Variants in KNTC1 observed in about 807,000 individuals in gnomAD.
The protein encoded by KNTC1 is kinetochore-associated protein 1.
Under a neutral mutation model 314.4 loss-of-function variants are expected in KNTC1, and 253 were observed. That is an observed-to-expected ratio of 0.80 (90% CI 0.73 to 0.89). The LOEUF (loss-of-function observed/expected upper bound fraction) is 0.89, where lower values mean the gene tolerates loss of function less well. Among genes scored for constraint, KNTC1 ranks in the 40% least tolerant of loss-of-function variants. The probability of loss-of-function intolerance (pLI) is 0.00; values close to 1 mark genes in which losing one functional copy is unlikely to be tolerated. For synonymous variants in KNTC1, 901 were observed against 901.4 expected, an observed-to-expected ratio of 1.00 and a Z score of 0.01; for missense variants, 2,475 against 2,572.9, an observed-to-expected ratio of 0.96 and a Z score of 0.82.
intron 28 of KNTC1, 61 bp downstream of exon 28, chr12:122,575,707 T>C: frequency 1.4e-6 from 2 of 1,478,426 alleles, no homozygotes; most frequent in Non-Finnish European, 9.3e-7. Flanking sequence ...TGTTTTGAGT[T>C]GACGTTCATT....
chr12:122,540,027 A>T (rs1350089067), intron 5 of KNTC1, among the ~76,000 whole-genome samples: 1 of 151,578 alleles, frequency 6.6e-6, no homozygotes, highest in Non-Finnish European at 1.5e-5. Flanking sequence ...TGAGTGATCC[A>T]CCTGCCTCGG....
chr12:122,604,327 A>C (rs575149245), intron 48 of KNTC1, among the ~76,000 whole-genome samples: 49 of 151,910 alleles, frequency 3.2e-4, no homozygotes, highest in Non-Finnish European at 1.3e-4. Context: ...TTGTATTTTC[A>C]GTAGAGACAG....
chr12:122,622,051 T>C, intron 61 of KNTC1, 81 bp downstream of exon 61: 1 of 930,792 alleles, frequency 1.1e-6, no homozygotes, highest in Non-Finnish European at 1.7e-6. Flanking sequence ...AAGAGTAAGC[T>C]GAAAACTGCT....
In KNTC1 at chr12:122,604,624, A is replaced by C. The variant is rs778179972; in HGVS notation, c.5162A>C (p.Asn1721Thr). Reference sequence around the variant, plus strand: ...TATTTAGCTGAGAGATGGCTACAGAATATCCCATCGCAGGTGTGTCTGAAC... The same window carrying C: ...TATTTAGCTGAGAGATGGCTACAGACTATCCCATCGCAGGTGTGTCTGAAC... ...CLYLAERWLQ[N>T]IPSQDEKREK... Residue 1721 changes from asparagine to threonine, a missense_variant, in exon 49 of 64, where the codon AAT becomes ACT. Coordinates refer to ENST00000333479, the MANE Select transcript of KNTC1 (RefSeq NM_014708.6). The C allele has an allele frequency of 1.9e-5, 30 of 1,598,176 alleles. No homozygotes were observed. In the Admixed American group the frequency reaches 3.5e-4, roughly 19 times the overall value.
Position 122,571,080 on chromosome 12 carries a change from A to T in KNTC1, c.1973A>T (p.Lys658Ile). 6.2e-7 allele frequency: 1 copy of T among 1,613,822 alleles called. No homozygotes were observed. The highest frequency in any genetic ancestry group is 8.5e-7 in the Non-Finnish European group (1 of 1,179,794). ...QLAEIFFTAE[K>I]TDELGLASSW... ...GCAGAGATATTTTTTACAGCAGAAAAAACAGACGAGTTGGGATTGGCATCT... is the reference window on the plus strand; with the variant it reads ...GCAGAGATATTTTTTACAGCAGAAATAACAGACGAGTTGGGATTGGCATCT... Residue 658 changes from lysine to isoleucine, a missense_variant, in exon 24 of 64, where the codon AAA (lysine) becomes ATA (isoleucine). Physicochemically the swap from Lys to Ile is moderately radical, Grantham distance 102 (BLOSUM62 -3). Transcript: ENST00000333479.
intron 21 of KNTC1, among the ~76,000 whole-genome samples, chr12:122,569,301 G>C (rs1029308445): frequency 7.9e-5 from 12 of 152,144 alleles, no homozygotes; most frequent in Admixed American, 7.9e-4. Context: ...CCTTAAAATT[G>C]CTTGTCTCGA....
In KNTC1 at chr12:122,587,767, C is replaced by G. The variant is rs748027315; in HGVS notation, c.3787C>G (p.Gln1263Glu). Residue 1263 changes from glutamine (Q) to glutamate (E), a missense_variant, in exon 39 of 64, where the codon CAG (glutamine) becomes GAG (glutamate). Physicochemically the swap from Gln to Glu is conservative, Grantham distance 29. Coordinates refer to ENST00000333479, the MANE Select transcript of KNTC1 (RefSeq NM_014708.6). ...CATCTCTGCCCTGCTTCAGAATCTT[C>G]AGGAATCTAGCCAGTGGGAGCTAGC... Reference protein sequence around the residue: ...NSISALLQNLQESSQWELALR... With the variant: ...NSISALLQNLEESSQWELALR... 4 of 1,613,786 alleles carry G rather than the reference C, an allele frequency of 2.5e-6. No individual in the cohort carries two copies. Among genetic ancestry groups the G allele is most frequent in the Non-Finnish European group, 3.4e-6 (4 of 1,179,756 alleles).
At position 122,544,252 on chromosome 12, in the gene KNTC1, G is replaced by A. The variant is rs376295165; in HGVS notation, c.652G>A (p.Val218Ile). Reference protein sequence around the residue: ...SLVAGDLASEVPVIIGGTGNC... With the variant: ...SLVAGDLASEIPVIIGGTGNC... ...TGTGGCTGGAGATTTAGCAAGTGAA[G>A]TTCCTGTGATAATTGGGGTAATTGT... The change falls in exon 8 of 64, where the codon GTT becomes ATT. Residue 218 changes from valine (V) to isoleucine (I), a missense_variant. Val to Ile is a conservative substitution (Grantham distance 29, BLOSUM62 3). Coordinates refer to ENST00000333479, the MANE Select transcript of KNTC1 (RefSeq NM_014708.6). 2.1e-5 allele frequency: 32 copies of A among 1,559,720 alleles called. No individual in the cohort carries two copies. Among genetic ancestry groups the A allele is most frequent in the Non-Finnish European group, 2.8e-5 (32 of 1,148,260 alleles).
intron 29 of KNTC1, 98 bp from the exon 30 acceptor site, chr12:122,576,797 T>G: frequency 4.9e-6 from 4 of 819,822 alleles, no homozygotes; most frequent in Non-Finnish European, 5.4e-6. Flanking sequence ...TTTTGCTGCA[T>G]TATTTAAATT....
At chr12:122,581,332 T>G (rs1186338192) in intron 33 of KNTC1, among the ~76,000 whole-genome samples, 1 of 151,366 alleles carries the variant, frequency 6.6e-6, no homozygotes, top group Middle Eastern at 3.4e-3. Flanking sequence ...CCCAAGTAGC[T>G]GGGATTATAG....
chr12:122,582,738 T>A lies in KNTC1; in HGVS notation c.3016T>A (p.Tyr1006Asn). ...TGAGGTCTTTCTTTCATTTGAAGATTATAGCAATAGTTCCCTGGTAGCAGA... is the reference window on the plus strand; with the variant it reads ...TGAGGTCTTTCTTTCATTTGAAGATAATAGCAATAGTTCCCTGGTAGCAGA... Reference protein sequence around the residue: ...NFEVFLSFEDYSNSSLVADLR... With the variant: ...NFEVFLSFEDNSNSSLVADLR... Residue 1006 changes from tyrosine to asparagine, a missense_variant, in exon 34 of 64, where the codon TAT becomes AAT. Physicochemically the swap from Tyr to Asn is moderately radical, Grantham distance 143. Transcript: ENST00000333479. 1 of 1,610,298 alleles carries A rather than the reference T, an allele frequency of 6.2e-7. No homozygotes were observed. Among genetic ancestry groups the A allele is most frequent in the Non-Finnish European group, 8.5e-7 (1 of 1,178,592 alleles).
chr12:122,580,094 T>C (rs1450142567), intron 32 of KNTC1, 117 bp downstream of exon 32: 10 of 673,426 alleles, frequency 1.5e-5, no homozygotes, highest in Non-Finnish European at 2.6e-5. Context: ...TGATTGTCTT[T>C]ATTGATCTTA....
chr12:122,532,033 A>G (rs1379741068), intron 2 of KNTC1, among the ~76,000 whole-genome samples: 1 of 115,210 alleles, frequency 8.7e-6, no homozygotes. Context: ...GCACCCGGCC[A>G]TTTGTTTTTT....
intron 44 of KNTC1, among the ~76,000 whole-genome samples, chr12:122,598,534 C>G (rs1871377429): frequency 6.7e-6 from 1 of 150,154 alleles, no homozygotes; most frequent in Non-Finnish European, 1.5e-5. Context: ...GATACTCCAG[C>G]CTCAGCCTCC....
chr12:122,550,091 C>T (rs1037150885), intron 13 of KNTC1, among the ~76,000 whole-genome samples: 2 of 151,896 alleles, frequency 1.3e-5, no homozygotes, highest in Admixed American at 6.6e-5. Context: ...GTCAAAACAT[C>T]AGTCATCTGC....
intron 37 of KNTC1, among the ~76,000 whole-genome samples, chr12:122,586,234 C>T (rs1256732311): frequency 1.3e-5 from 2 of 152,290 alleles, no homozygotes; most frequent in South Asian, 2.1e-4. Flanking sequence ...AGGCTCATGC[C>T]ACCACGCCTG....
At chr12:122,532,188 C>G (rs1172255001) in intron 2 of KNTC1, among the ~76,000 whole-genome samples, 2 of 150,334 alleles carry the variant, frequency 1.3e-5, no homozygotes, top group Non-Finnish European at 3.0e-5. Flanking sequence ...CGCCTGCCAC[C>G]ACGCCTGGCT....
At chr12:122,549,139 T>G (rs1427474416) in intron 12 of KNTC1, among the ~76,000 whole-genome samples, 1 of 152,060 alleles carries the variant, frequency 6.6e-6, no homozygotes, top group Non-Finnish European at 1.5e-5. Flanking sequence ...CACTGCAACC[T>G]CTTCCTCCCA....
At chr12:122,617,678 T>C (rs1039226297) in intron 57 of KNTC1, among the ~76,000 whole-genome samples, 19 of 152,306 alleles carry the variant, frequency 1.2e-4, no homozygotes, top group African/African-American at 4.3e-4. Context: ...GCAAGGATTG[T>C]ATAATGAGAT....
Sources: gnomAD v4.1 joint callset for allele counts (sites outside exome capture counted in the v4.1 genomes callset) on GRCh38, gnomAD v4.1.1 for gene constraint, MANE v1.5 for transcripts, NCBI Gene and HGNC (gene_info 2026-07-23, HGNC 2026-07-21) for gene names.